Variants in PTPRD observed in about 807,000 individuals in gnomAD.
The protein encoded by PTPRD is protein tyrosine phosphatase receptor type D.
Under a neutral mutation model 214.5 loss-of-function variants are expected in PTPRD, and 34 were observed. The observed-to-expected ratio is 0.16, with a 90% CI of 0.12 to 0.21. The LOEUF (loss-of-function observed/expected upper bound fraction) is 0.21. Among genes scored for constraint, PTPRD ranks in the 10% least tolerant of loss-of-function variants. The pLI is 1.00. For synonymous variants in PTPRD, 1,128 were observed against 845.7 expected (o/e 1.33, Z -5.79); for missense variants, 2,545 against 2,398.7 (o/e 1.06, Z -1.27).
At chr9:9,145,006 CAAAGT>C (rs2099866335) in intron 10 of PTPRD, among the ~76,000 whole-genome samples, 1 of 152,126 alleles carries the variant, frequency 6.6e-6, no homozygotes, top group Non-Finnish European at 1.5e-5. Context: ...CAAATATCAG[CAAAGT>C]AAAGGGGATA....
chr9:8,691,809 A>G (rs1488004081), intron 12 of PTPRD, among the ~76,000 whole-genome samples: 2 of 152,198 alleles, frequency 1.3e-5, no homozygotes, highest in African/African-American at 4.8e-5. Context: ...TACCAAAAGC[A>G]ACTTTATGCA....
intron 3 of PTPRD, among the ~76,000 whole-genome samples, chr9:10,140,556 T>A (rs1211667561): frequency 1.3e-5 from 2 of 151,332 alleles, no homozygotes; most frequent in African/African-American, 2.4e-5. Context: ...CAGGAAGGAG[T>A]TGAATCTCTG....
At chr9:9,140,722 G>T (rs1307106651) in intron 10 of PTPRD, among the ~76,000 whole-genome samples, 1 of 152,174 alleles carries the variant, frequency 6.6e-6, no homozygotes, top group African/African-American at 2.4e-5. Context: ...GGGACTACAG[G>T]TGCCCGCCAC....
intron 10 of PTPRD, among the ~76,000 whole-genome samples, chr9:9,019,316 GAAAGAAAGAAAGAAAGAAAGAACGA>G (rs2099552047): frequency 9.4e-6 from 1 of 106,096 alleles, no homozygotes; most frequent in Non-Finnish European, 1.9e-5. Flanking sequence ...AAGAAAGAAA[GAAAGAAAGAAAGAAAGAAAGAACGA>G]AAGAAAGAAA....
chr9:9,682,697 A>T (rs2097097370), intron 7 of PTPRD, among the ~76,000 whole-genome samples: 1 of 151,730 alleles, frequency 6.6e-6, no homozygotes, highest in Admixed American at 6.6e-5. Context: ...GCAGATAAGG[A>T]AATTGTCTGG....
intron 3 of PTPRD, among the ~76,000 whole-genome samples, chr9:10,091,750 T>C (rs1277949019): frequency 1.4e-5 from 2 of 145,250 alleles, no homozygotes; most frequent in Non-Finnish European, 3.0e-5. Context: ...TGCAAATCCA[T>C]ATATTCTTCA....
At chr9:8,496,464 G>A (rs2097273703) in intron 26 of PTPRD, among the ~76,000 whole-genome samples, 1 of 152,122 alleles carries the variant, frequency 6.6e-6, no homozygotes, top group South Asian at 2.1e-4. Flanking sequence ...AAAGGCAGGT[G>A]TCACATCATG....
chr9:8,385,081 C>G (rs553749232), intron 37 of PTPRD, among the ~76,000 whole-genome samples: 1 of 152,314 alleles, frequency 6.6e-6, no homozygotes, highest in African/African-American at 2.4e-5. Flanking sequence ...CATGCAAACA[C>G]TAAGAATGAT....
intron 4 of PTPRD, among the ~76,000 whole-genome samples, chr9:9,944,470 A>G (rs941719120): frequency 3.9e-5 from 6 of 152,168 alleles, no homozygotes; most frequent in African/African-American, 1.4e-4. Flanking sequence ...ATTATAGTAG[A>G]GAGTACAAAA....
At chr9:9,986,564 G>A (rs1204643620) in intron 4 of PTPRD, among the ~76,000 whole-genome samples, 1 of 152,084 alleles carries the variant, frequency 6.6e-6, no homozygotes, top group Non-Finnish European at 1.5e-5. Flanking sequence ...TCTCCCACAG[G>A]TGGGGCAATG....
At chr9:10,238,942 G>A (rs1422541167) in intron 3 of PTPRD, among the ~76,000 whole-genome samples, 1 of 151,854 alleles carries the variant, frequency 6.6e-6, no homozygotes, top group Non-Finnish European at 1.5e-5. Flanking sequence ...GACAACATGG[G>A]AATTTTAGCA....
chr9:8,757,539 C>T (rs999508530), intron 11 of PTPRD, among the ~76,000 whole-genome samples: 7 of 151,264 alleles, frequency 4.6e-5, no homozygotes, highest in Non-Finnish European at 1.0e-4. Context: ...CTGAGTATCC[C>T]AGGGAACAAT....
intron 11 of PTPRD, among the ~76,000 whole-genome samples, chr9:8,803,645 G>C (rs1424883159): frequency 6.6e-6 from 1 of 151,904 alleles, no homozygotes; most frequent in Non-Finnish European, 1.5e-5. Flanking sequence ...GACTGCTTGA[G>C]TCTAAGAGGT....
intron 10 of PTPRD, among the ~76,000 whole-genome samples, chr9:9,061,687 T>A (rs1348714226): frequency 1.3e-5 from 2 of 152,184 alleles, no homozygotes; most frequent in Non-Finnish European, 2.9e-5. Flanking sequence ...CACAAATTTA[T>A]TAAATGAAAA....
chr9:9,749,326 G>T (rs1462543483), intron 6 of PTPRD, among the ~76,000 whole-genome samples: 2 of 152,116 alleles, frequency 1.3e-5, no homozygotes, highest in African/African-American at 2.4e-5. Flanking sequence ...AGGGTATTAA[G>T]CCTTTTTGCC....
intron 8 of PTPRD, among the ~76,000 whole-genome samples, chr9:9,420,312 G>C (rs2078307483): frequency 6.6e-6 from 1 of 151,746 alleles, no homozygotes; most frequent in African/African-American, 2.4e-5. Context: ...CAAATATTTA[G>C]TAAACTTTTA....
At chr9:8,995,088 G>C (rs994640262) in intron 11 of PTPRD, among the ~76,000 whole-genome samples, 3 of 151,996 alleles carry the variant, frequency 2.0e-5, no homozygotes, top group African/African-American at 7.2e-5. Context: ...TGGAATGAGA[G>C]AAGCTCTACA....
chr9:9,156,742 CA>C (rs544373407), intron 10 of PTPRD, among the ~76,000 whole-genome samples: 1 of 134,764 alleles, frequency 7.4e-6, no homozygotes, highest in South Asian at 2.3e-4. Flanking sequence ...TCTACCTTGT[CA>C]AAAATCTTAG....
intron 3 of PTPRD, among the ~76,000 whole-genome samples, chr9:10,249,305 A>G (rs556716489): frequency 1.1e-4 from 16 of 152,178 alleles, no homozygotes; most frequent in Non-Finnish European, 1.5e-5. Flanking sequence ...CATGCTCTCC[A>G]TAACATAAAA....
Sources: gnomAD v4.1 joint callset for allele counts (sites outside exome capture counted in the v4.1 genomes callset) on GRCh38, gnomAD v4.1.1 for gene constraint, MANE v1.5 for transcripts, NCBI Gene and HGNC (gene_info 2026-07-23, HGNC 2026-07-21) for gene names.